The following FAT3 variants were observed in gnomAD, a reference collection of about 807,000 sequenced individuals.
FAT3 encodes the protein protocadherin Fat 3.
FAT3 carries 95 observed loss-of-function variants against 310.2 expected under a neutral mutation model. That is an observed-to-expected ratio of 0.31 (90% CI 0.26 to 0.36). The LOEUF is 0.36. Among genes scored for constraint, FAT3 ranks in the 10% least tolerant of loss-of-function variants. The pLI is 1.00. For synonymous variants in FAT3, 2,314 were observed against 2,192.9 expected (o/e 1.06, Z -1.54); for missense variants, 5,408 against 5,715.6 (o/e 0.95, Z 1.74).
intron 2 of FAT3, among the ~76,000 whole-genome samples, chr11:92,501,358 A>G (rs978980830): frequency 3.3e-5 from 5 of 152,058 alleles, no homozygotes; most frequent in Non-Finnish European, 7.4e-5. Context: ...TGGCTGAGCT[A>G]TTGTCTTAGA....
chr11:92,647,382 A>T (rs1450993993), intron 3 of FAT3, among the ~76,000 whole-genome samples: 1 of 152,220 alleles, frequency 6.6e-6, no homozygotes, highest in Non-Finnish European at 1.5e-5. Flanking sequence ...ATAATTGCTC[A>T]AAATAAGATG....
rs10528724 is a variant in FAT3, at chr11:92,649,874, C to CATATAT, written c.3608-47473_3608-47468dup. On this transcript the variant is annotated intron_variant, in intron 3 of 27. Coordinates refer to ENST00000525166, the MANE Select transcript of FAT3 (RefSeq NM_001367949.2). ...TTGTTAAACACCCACTTTGTATGTT[C>CATATAT]ATATATATATATATATATATATATA... Among the ~76,000 whole-genome samples the CATATAT allele has an allele frequency of 7.0e-3, 349 of 49,510 alleles. 28 individuals are homozygous for CATATAT. Among genetic ancestry groups the CATATAT allele is most frequent in the Middle Eastern group, 0.017 (1 of 60 alleles). The allele number at this position is 49,510 out of a possible 152,430, so 32.5% of individuals were successfully genotyped here. A position where few individuals can be genotyped will look rare whatever the true frequency, so the allele number is the denominator to read the frequency against.
rs1036792818 is a variant in FAT3, at chr11:92,882,593, C to A, written c.12282-145C>A. 9.4e-5 allele frequency: 54 copies of A among 572,434 alleles called. 2 individuals carry two copies. The highest frequency in any genetic ancestry group is 5.3e-4 in the Middle Eastern group (1 of 1,904). 35.5% of individuals were successfully genotyped at this position (572,434 alleles called of 1,614,324 possible). The stretch of plus-strand genomic sequence containing the variant: ...CCTAAATTAACTCCCCCTCCCCCCC[C>A]CCACCAACCATCTTTGTCCTGCTTC... On this transcript the variant is annotated intron_variant, in intron 23 of 27. Transcript: ENST00000525166.
intron 24 of FAT3, chr11:92,886,785 T>C (rs1315856834): frequency 2.0e-6 from 1 of 489,196 alleles, no homozygotes; most frequent in East Asian, 3.4e-5. Flanking sequence ...TCATTTACTA[T>C]GGGCTAAGGG....
chr11:92,847,474 C>A (rs1286964780), intron 19 of FAT3, among the ~76,000 whole-genome samples: 1 of 152,144 alleles, frequency 6.6e-6, no homozygotes, highest in South Asian at 2.1e-4. Flanking sequence ...AATATATCCC[C>A]ATTATTAAGC....
At chr11:92,760,771 T>A (rs2136080499) in intron 4 of FAT3, among the ~76,000 whole-genome samples, 1 of 152,326 alleles carries the variant, frequency 6.6e-6, no homozygotes, top group Non-Finnish European at 1.5e-5. Flanking sequence ...GTTAATATCA[T>A]ACTGATTATC....
At chr11:92,649,872 TTCATATATATATATATATATA>T (rs1565486169) in intron 3 of FAT3, among the ~76,000 whole-genome samples, 6 of 40,332 alleles carry the variant, frequency 1.5e-4, no homozygotes, top group African/African-American at 6.6e-4. Context: ...ACTTTGTATG[TTCATATATATATATATATATA>T]TATATATATA....
chr11:92,803,934 C>T (rs1339258980), intron 10 of FAT3, among the ~76,000 whole-genome samples: 1 of 152,210 alleles, frequency 6.6e-6, no homozygotes, highest in Non-Finnish European at 1.5e-5. Flanking sequence ...TCAGACTGAG[C>T]AGCCCCTTGC....
intron 2 of FAT3, among the ~76,000 whole-genome samples, chr11:92,417,969 C>A (rs138025304): frequency 1.3e-5 from 2 of 152,000 alleles, no homozygotes; most frequent in Non-Finnish European, 2.9e-5. Flanking sequence ...TTAATGAATT[C>A]CTGTTGAGTT....
intron 3 of FAT3, among the ~76,000 whole-genome samples, chr11:92,631,028 A>ATATTGG (rs1941539932): frequency 6.6e-6 from 1 of 152,190 alleles, no homozygotes; most frequent in South Asian, 2.1e-4. Context: ...GCCAGCAACC[A>ATATTGG]TATTGGTATT....
At chr11:92,810,674 G>A (rs1283018526) in intron 13 of FAT3, among the ~76,000 whole-genome samples, 1 of 152,186 alleles carries the variant, frequency 6.6e-6, no homozygotes, top group Admixed American at 6.5e-5. Flanking sequence ...TAAGGAATTA[G>A]AATTGAAAGT....
chr11:92,229,514 G>GTTTTT (rs1241053262), intron 1 of FAT3, among the ~76,000 whole-genome samples: 2 of 59,310 alleles, frequency 3.4e-5, no homozygotes, highest in Non-Finnish European at 3.0e-5. Context: ...TTTGTTTTTT[G>GTTTTT]TTTTTTTTTA....
chr11:92,451,611 G>C (rs1042346972), intron 2 of FAT3, among the ~76,000 whole-genome samples: 2 of 152,122 alleles, frequency 1.3e-5, no homozygotes, highest in East Asian at 1.9e-4. Flanking sequence ...GCAGTATTTG[G>C]ATGTTCCTTT....
At chr11:92,810,188 G>C (rs983663462) in intron 13 of FAT3, 112 bp downstream of exon 13, 3 of 914,950 alleles carry the variant, frequency 3.3e-6, no homozygotes, top group Non-Finnish European at 5.0e-6. Context: ...TCTTTACCAC[G>C]AGAACATGTA....
In FAT3 at chr11:92,764,808, G is replaced by T; in HGVS notation, c.3985-71G>T. 2 of 1,422,652 alleles carry T rather than the reference G, an allele frequency of 1.4e-6. 1 individual carries two copies. Among genetic ancestry groups the T allele is most frequent in the Non-Finnish European group, 1.9e-6 (2 of 1,036,992 alleles). The allele number at this position is 1,422,652 out of a possible 1,614,324, so 88.1% of individuals were successfully genotyped here. On this transcript the variant is annotated intron_variant, in intron 5 of 27. Coordinates refer to ENST00000525166, the MANE Select transcript of FAT3 (RefSeq NM_001367949.2). Reference sequence around the variant, plus strand: ...AGATGGACTCTTGGCCCAGCAACATGAGTGACAGATCCAAACTCTACAACA... The same window carrying T: ...AGATGGACTCTTGGCCCAGCAACATTAGTGACAGATCCAAACTCTACAACA...
intron 1 of FAT3, among the ~76,000 whole-genome samples, chr11:92,252,890 G>A (rs1017800985): frequency 2.0e-5 from 3 of 151,970 alleles, no homozygotes; most frequent in African/African-American, 7.3e-5. Context: ...CAGCAAAACT[G>A]CTGAAAAGGC....
intron 2 of FAT3, among the ~76,000 whole-genome samples, chr11:92,458,977 A>G (rs922514016): frequency 9.9e-5 from 15 of 152,238 alleles, no homozygotes; most frequent in African/African-American, 3.4e-4. Flanking sequence ...AAAATTTGCA[A>G]CTACTTATTA....
rs185241648 is a variant in FAT3, at chr11:92,694,620, C to A, written c.3608-2764C>A. Among the ~76,000 whole-genome samples, 3 of 152,278 alleles carry A rather than the reference C, an allele frequency of 2.0e-5. No homozygotes were observed. In the East Asian group the frequency reaches 5.8e-4, roughly 29 times the overall value. ...AGCTGACCTCTTCCCTGTGCACAGC[C>A]ACACCACAATGGGCTGTGGCCATGT... On this transcript the variant is annotated intron_variant, in intron 3 of 27. Transcript: ENST00000525166.
rs184349146 is a variant in FAT3, at chr11:92,517,949, A to G, written c.3293-6685A>G. Among the ~76,000 whole-genome samples, 709 of 152,338 alleles carry G rather than the reference A, an allele frequency of 4.7e-3. 4 individuals carry two copies. Among genetic ancestry groups the G allele is most frequent in the South Asian group, 0.012 (57 of 4,832 alleles). On this transcript the variant is annotated intron_variant, in intron 2 of 27. Coordinates refer to ENST00000525166, the MANE Select transcript of FAT3 (RefSeq NM_001367949.2). The stretch of plus-strand genomic sequence containing the variant: ...CAGTCTCACACCAGTTAGAATGACA[A>G]TCATTAAAAAGTCAGGAAATAACAG...
Sources: gnomAD v4.1 joint callset for allele counts (sites outside exome capture counted in the v4.1 genomes callset) on GRCh38, gnomAD v4.1.1 for gene constraint, MANE v1.5 for transcripts, NCBI Gene and HGNC (gene_info 2026-07-23, HGNC 2026-07-21) for gene names.